Variants in CNOT8 observed in about 807,000 individuals in gnomAD.
CNOT8 encodes the protein CCR4-NOT transcription complex subunit 8, also known as CAF1-like protein.
A neutral mutation model predicts 34.6 loss-of-function variants in CNOT8; 18 were observed. The ratio of observed to expected loss-of-function variants is 0.52; its 90% confidence interval spans 0.36 to 0.77. CNOT8 has a LOEUF of 0.77. Ranked by LOEUF, CNOT8 falls within the 30% of genes least tolerant of loss-of-function variation. CNOT8 has a pLI of 0.00. For synonymous variants in CNOT8, 101 were observed against 118.8 expected (o/e 0.85, Z 0.98); for missense variants, 189 against 347.9 (o/e 0.54, Z 3.63).
intron 1 of CNOT8, among the ~76,000 whole-genome samples, chr5:154,862,628 G>A (rs1761462393): frequency 6.6e-6 from 1 of 152,136 alleles, no homozygotes. Flanking sequence ...AGAGGCACTG[G>A]TATTGTTTAT....
At position 154,875,758 on chromosome 5, in the gene CNOT8, TA is replaced by T; in HGVS notation, c.*320del. ...ATATCAGGACAAGTCTGAAACAAAG[TA>T]GTAAAATGTATATAACTCTTACCTG... is the stretch of plus-strand genomic sequence containing the variant. On this transcript the variant is annotated 3_prime_UTR_variant, in exon 7 of 7. Transcript: ENST00000285896. 4.4e-6 allele frequency: 1 copy of T among 225,466 alleles called. No homozygotes were observed. Among genetic ancestry groups the T allele is most frequent in the East Asian group, 1.1e-4 (1 of 9,126 alleles). The allele number at this position is 225,466 out of a possible 1,614,324, so 14.0% of individuals were successfully genotyped here.
chr5:154,866,910 C>T (rs1188422379), intron 3 of CNOT8, among the ~76,000 whole-genome samples: 1 of 151,274 alleles, frequency 6.6e-6, no homozygotes, highest in Non-Finnish European at 1.5e-5. Context: ...GAGACTCTGC[C>T]TCAAGAAAAA....
intron 1 of CNOT8, among the ~76,000 whole-genome samples, chr5:154,862,055 C>T (rs898664144): frequency 2.6e-5 from 4 of 152,124 alleles, no homozygotes; most frequent in Non-Finnish European, 5.9e-5. Context: ...TAACAGCATT[C>T]GTCAGAGACC....
intron 4 of CNOT8, among the ~76,000 whole-genome samples, 167 bp from the exon 5 acceptor site, chr5:154,871,559 CAAAA>C (rs372899952): frequency 1.1e-4 from 6 of 55,406 alleles, no homozygotes; most frequent in South Asian, 7.2e-4. Context: ...GACTCTGTCT[CAAAA>C]AAAAAAAAAA....
chr5:154,875,423 A>G lies in CNOT8; in HGVS notation c.863A>G (p.Asn288Ser), dbSNP rs1283525940. ...QEKMSILAIINNMQQ is the reference protein window; with the variant it reads ...QEKMSILAIISNMQQ Reference sequence around the variant, plus strand: ...AAGATGAGCATCCTGGCGATTATCAACAACATGCAGCAGTGATGGCGCCAG... The same window carrying G: ...AAGATGAGCATCCTGGCGATTATCAGCAACATGCAGCAGTGATGGCGCCAG... The change falls in exon 7 of 7, where the codon AAC becomes AGC. Residue 288 changes from asparagine to serine, a missense_variant. Around this residue, in one of 2 missense-constraint regions of CNOT8, gnomAD observed 29 missense variants for 26.1 expected, o/e 1.11. Transcript: ENST00000285896. 11 of 1,613,882 alleles carry G rather than the reference A, an allele frequency of 6.8e-6. No individual in the cohort carries two copies. Among genetic ancestry groups the G allele is most frequent in the Admixed American group, 1.7e-5 (1 of 60,014 alleles).
Position 154,875,426 on chromosome 5 carries a change from A to G in CNOT8, c.866A>G (p.Asn289Ser), listed in dbSNP as rs780607886. ...ATGAGCATCCTGGCGATTATCAACA[A>G]CATGCAGCAGTGATGGCGCCAGGCT... is the stretch of plus-strand genomic sequence containing the variant. ...EKMSILAIIN[N>S]MQQ Residue 289 changes from asparagine (N) to serine (S), a missense_variant, in exon 7 of 7, where the codon AAC (asparagine) becomes AGC (serine). By Grantham distance (46) the Asn-to-Ser change is conservative. This residue lies in a region of CNOT8 where 29 missense variants were observed against 26.1 expected (regional missense o/e 1.11). Transcript: ENST00000285896. 6.2e-7 allele frequency: 1 copy of G among 1,613,626 alleles called. No homozygotes were observed. The highest frequency in any genetic ancestry group is 1.3e-5 in the African/African-American group (1 of 74,908).
intron 4 of CNOT8, 86 bp downstream of exon 4, chr5:154,870,908 A>G: frequency 8.3e-7 from 1 of 1,201,426 alleles, no homozygotes; most frequent in Non-Finnish European, 1.2e-6. Context: ...TTGCAGTCCT[A>G]GTGACTGTTC....
intron 1 of CNOT8, among the ~76,000 whole-genome samples, chr5:154,860,414 C>T (rs189583402): frequency 3.2e-4 from 48 of 152,226 alleles, no homozygotes; most frequent in Admixed American, 1.6e-3. Flanking sequence ...TCAAGTGATC[C>T]TCCCAGCTCA....
At chr5:154,864,276 C>T (rs1582583680) in intron 2 of CNOT8, among the ~76,000 whole-genome samples, 1 of 152,008 alleles carries the variant, frequency 6.6e-6, no homozygotes, top group African/African-American at 2.4e-5. Context: ...CTGGCTAACA[C>T]GGTGAAACCC....
In CNOT8 at chr5:154,875,398, A is replaced by G; in HGVS notation, c.838A>G (p.Lys280Glu). The stretch of plus-strand genomic sequence containing the variant: ...TGAGGATGTGGACTCTGCCCAGGAG[A>G]AGATGAGCATCCTGGCGATTATCAA... ...QNEDVDSAQEKMSILAIINNM... is the reference protein window; with the variant it reads ...QNEDVDSAQEEMSILAIINNM... The change falls in exon 7 of 7, where the codon AAG (lysine) becomes GAG (glutamate). Residue 280 changes from lysine (K) to glutamate (E), a missense_variant. Lys to Glu is a moderately conservative substitution (Grantham distance 56, BLOSUM62 1). Transcript: ENST00000285896. 6.2e-7 allele frequency: 1 copy of G among 1,613,902 alleles called. No homozygotes were observed. Among genetic ancestry groups the G allele is most frequent in the South Asian group, 1.1e-5 (1 of 91,070 alleles).
In CNOT8 at chr5:154,875,730, T is replaced by C. The variant is rs896519684; in HGVS notation, c.*291T>C. 8 of 296,772 alleles carry C rather than the reference T, an allele frequency of 2.7e-5. No homozygotes were observed. Among genetic ancestry groups the C allele is most frequent in the African/African-American group, 8.7e-5 (4 of 45,828 alleles). 18.4% of individuals were successfully genotyped at this position (296,772 alleles called of 1,614,324 possible). On this transcript the variant is annotated 3_prime_UTR_variant, in exon 7 of 7. Transcript: ENST00000285896. ...ATCCATGGCTCATTTGACACCTTTT[T>C]AAATATCAGGACAAGTCTGAAACAA...
intron 1 of CNOT8, 139 bp downstream of exon 1, chr5:154,858,907 G>A (rs1366248055): frequency 6.6e-6 from 1 of 152,196 alleles, no homozygotes; most frequent in African/African-American, 2.4e-5. Context: ...CCCCAGCAAA[G>A]AGTAGTAATA....
chr5:154,875,493 G>A lies in CNOT8; in HGVS notation c.*54G>A. The A allele has an allele frequency of 1.3e-6, 2 of 1,590,142 alleles. No homozygotes were observed. The highest frequency in any genetic ancestry group is 1.7e-5 in the Admixed American group (1 of 57,964). On this transcript the variant is annotated 3_prime_UTR_variant, in exon 7 of 7. Coordinates refer to ENST00000285896, the MANE Select transcript of CNOT8 (RefSeq NM_001301073.2). ...ATCCCAGAGTGGTGCTTACTGTGCT[G>A]ACTGTGTACTTATCTTCCCCAAGAG...
intron 1 of CNOT8, among the ~76,000 whole-genome samples, chr5:154,861,993 C>T (rs538196489): frequency 2.0e-5 from 3 of 152,320 alleles, no homozygotes; most frequent in Middle Eastern, 3.4e-3. Context: ...CCACCATGCC[C>T]GGCTTTTTTG....
chr5:154,858,416 C>G (rs1000085772), upstream of CNOT8: 12 of 152,346 alleles, frequency 7.9e-5, no homozygotes, highest in African/African-American at 2.9e-4. Flanking sequence ...CGCTGCTTCC[C>G]GCGACCTCAC....
rs545223549 is a variant in CNOT8, at chr5:154,875,185, T to C, written c.730-105T>C. ...GCCCGCCTCAGCCTCACAAAGTGCT[T>C]GGATTCCAGACGTGAGCCATTGCAC... On this transcript the variant is annotated intron_variant, in intron 6 of 6. Transcript: ENST00000285896. 207 of 1,291,344 alleles carry C rather than the reference T, an allele frequency of 1.6e-4. No homozygotes were observed. In the African/African-American group the frequency reaches 2.7e-3, roughly 17 times the overall value. 80.0% of individuals were successfully genotyped at this position (1,291,344 alleles called of 1,614,324 possible).
chr5:154,872,685 G>T, intron 6 of CNOT8, 34 bp downstream of exon 6: 1 of 1,373,946 alleles, frequency 7.3e-7, no homozygotes, highest in Non-Finnish European at 1.0e-6. Context: ...CAGGCCTCTC[G>T]GCAGTAACTT....
intron 3 of CNOT8, among the ~76,000 whole-genome samples, chr5:154,869,414 C>T (rs1319898545): frequency 6.7e-6 from 1 of 149,216 alleles, no homozygotes; most frequent in African/African-American, 2.5e-5. Flanking sequence ...CCACCCCACC[C>T]GGCCTTGTTG....
At position 154,871,784 on chromosome 5, in the gene CNOT8, A is replaced by C. The variant is rs1762504609; in HGVS notation, c.528A>C (p.Glu176Asp). 6.2e-7 allele frequency: 1 copy of C among 1,613,782 alleles called. No individual in the cohort carries two copies. Among genetic ancestry groups the C allele is most frequent in the South Asian group, 1.1e-5 (1 of 91,078 alleles). ...TGCTTACAGATTCTCGTTTGCCAGA[A>C]GAGGAACATGAATTCTTTCATATTC... ...VKLLTDSRLP[E>D]EEHEFFHILN... is the part of the protein sequence containing the mutation. The change falls in exon 5 of 7, where the codon GAA becomes GAC. Residue 176 changes from glutamate (E) to aspartate (D), a missense_variant. Glu to Asp is a conservative substitution (Grantham distance 45). Coordinates refer to ENST00000285896, the MANE Select transcript of CNOT8 (RefSeq NM_001301073.2).
Sources: gnomAD v4.1 joint callset for allele counts (sites outside exome capture counted in the v4.1 genomes callset) on GRCh38, gnomAD v4.1.1 for gene constraint, gnomAD v4.1.1 regional missense constraint, MANE v1.5 for transcripts, NCBI Gene and HGNC (gene_info 2026-07-23, HGNC 2026-07-21) for gene names.